Variants in CSMD1 observed in about 807,000 individuals in gnomAD.
The protein encoded by CSMD1 is CUB and sushi domain-containing protein 1.
In CSMD1, 213 loss-of-function variants were observed where a neutral mutation model predicts 417.5. The ratio of observed to expected loss-of-function variants is 0.51; its 90% CI spans 0.46 to 0.57. The LOEUF is 0.57. Among genes scored for constraint, CSMD1 ranks in the 20% least tolerant of loss-of-function variants. The pLI is 0.00. For missense variants in CSMD1, 6,923 were observed against 4,529.7 expected (o/e 1.53, Z -15.17); for synonymous variants, 2,862 against 1,736.8 (o/e 1.65, Z -16.11).
intron 3 of CSMD1, among the ~76,000 whole-genome samples, chr8:4,365,292 T>C (rs1801999066): frequency 6.6e-6 from 1 of 152,196 alleles, no homozygotes; most frequent in African/African-American, 2.4e-5. Flanking sequence ...TGTAAATAAA[T>C]TTAGGATTAC....
chr8:4,807,494 T>C (rs1798657159), intron 1 of CSMD1, among the ~76,000 whole-genome samples: 1 of 152,080 alleles, frequency 6.6e-6, no homozygotes, highest in Non-Finnish European at 1.5e-5. Flanking sequence ...GCCCAGCCCA[T>C]CCTGAATCAC....
intron 13 of CSMD1, 114 bp downstream of exon 13, chr8:3,409,309 G>A (rs894256986): frequency 6.0e-5 from 57 of 946,492 alleles, no homozygotes; most frequent in African/African-American, 1.2e-4. Flanking sequence ...GTGGCACCCC[G>A]AGCCATTCTG....
intron 10 of CSMD1, among the ~76,000 whole-genome samples, chr8:3,512,666 T>C (rs559530332): frequency 6.6e-6 from 1 of 150,746 alleles, no homozygotes; most frequent in East Asian, 2.0e-4. Context: ...ACTGGCATGA[T>C]GACATGATCT....
At chr8:3,675,769 G>A (rs535160916) in intron 7 of CSMD1, among the ~76,000 whole-genome samples, 1 of 152,302 alleles carries the variant, frequency 6.6e-6, no homozygotes, top group East Asian at 1.9e-4. Flanking sequence ...AGAAATATAT[G>A]TCTGTTGTTT....
chr8:4,433,672 C>G (rs1797994686), intron 2 of CSMD1, among the ~76,000 whole-genome samples: 1 of 152,168 alleles, frequency 6.6e-6, no homozygotes, highest in Non-Finnish European at 1.5e-5. Flanking sequence ...TACACTCTCC[C>G]ACTTGCAGTC....
At chr8:2,971,783 C>A (rs1182530038) in intron 57 of CSMD1, among the ~76,000 whole-genome samples, 1 of 152,118 alleles carries the variant, frequency 6.6e-6, no homozygotes, top group Non-Finnish European at 1.5e-5. Flanking sequence ...CAGTTAAAAA[C>A]AAAAGTATGA....
In CSMD1 at chr8:3,336,706, C is replaced by T. The variant is rs140923644; in HGVS notation, c.3631+6588G>A. ...ACCCAGAGACTGTTCCCGATGTGGG[C>T]GAGAGCCCTGCACACCTAACTTCCT... On this transcript the variant is annotated intron_variant, in intron 23 of 69. Coordinates refer to ENST00000635120, the MANE Select transcript of CSMD1 (RefSeq NM_033225.6). Among the ~76,000 whole-genome samples the T allele has an allele frequency of 5.2e-3, 798 of 152,284 alleles. 1 individual carries two copies. Among genetic ancestry groups the T allele is most frequent in the Non-Finnish European group, 8.9e-3 (602 of 68,016 alleles).
intron 5 of CSMD1, among the ~76,000 whole-genome samples, chr8:3,814,764 G>A (rs891075331): frequency 6.6e-6 from 1 of 152,062 alleles, no homozygotes; most frequent in East Asian, 1.9e-4. Flanking sequence ...ATTTCCAATG[G>A]ACTATTCTGC....
intron 50 of CSMD1, among the ~76,000 whole-genome samples, chr8:3,046,278 C>T (rs1323162113): frequency 6.6e-6 from 1 of 152,028 alleles, no homozygotes; most frequent in Non-Finnish European, 1.5e-5. Flanking sequence ...CACGTGGACG[C>T]ATGTGTTTCA....
chr8:3,929,108 G>C (rs569681736), intron 5 of CSMD1, among the ~76,000 whole-genome samples: 16 of 150,454 alleles, frequency 1.1e-4, no homozygotes, highest in East Asian at 3.9e-4. Context: ...AGTGAGGAGA[G>C]ATGAAACTCT....
At chr8:4,266,894 G>A (rs1449567409) in intron 3 of CSMD1, among the ~76,000 whole-genome samples, 1 of 104,220 alleles carries the variant, frequency 9.6e-6, no homozygotes, top group East Asian at 2.6e-4. Flanking sequence ...TAAGATGGAA[G>A]AAGAAACAAA....
At position 3,571,445 on chromosome 8, in the gene CSMD1, G is replaced by C. The variant is rs544752809; in HGVS notation, c.1344+3500C>G. On this transcript the variant is annotated intron_variant, in intron 10 of 69. Coordinates refer to ENST00000635120, the MANE Select transcript of CSMD1 (RefSeq NM_033225.6). ...CTGGAAAGATTTTGAGAATGCAGTA[G>C]AGGCATTGTTAGTAACTGTTCAAGG... Among the ~76,000 whole-genome samples, 8 of 152,302 alleles carry C rather than the reference G, an allele frequency of 5.3e-5. No homozygotes were observed. The South Asian group carries it at 8.3e-4, about 16-fold the overall frequency.
chr8:3,039,910 T>C (rs1810977217), intron 50 of CSMD1, among the ~76,000 whole-genome samples: 1 of 152,180 alleles, frequency 6.6e-6, no homozygotes, highest in Admixed American at 6.5e-5. Flanking sequence ...GTTCCTCTTC[T>C]AAAAATTAAT....
Position 3,900,339 on chromosome 8 carries a change from GTGACAGTGTAGCTGGT to G in CSMD1, c.818+97548_818+97563del, listed in dbSNP as rs554495725. 1.0e-3 allele frequency among the ~76,000 whole-genome samples: 154 copies of G among 151,918 alleles called. 2 individuals are homozygous for G. The highest frequency in any genetic ancestry group is 1.1e-3 in the African/African-American group (46 of 41,430). On this transcript the variant is annotated intron_variant, in intron 5 of 69. Transcript: ENST00000635120. The stretch of plus-strand genomic sequence containing the variant: ...TGCAGCTGGATGACACTACAGCTGG[GTGACAGTGTAGCTGGT>G]TGACAGCACAGCTGTGTGACAGTGC...
At position 4,152,584 on chromosome 8, in the gene CSMD1, G is replaced by A. The variant is rs920688330; in HGVS notation, c.416-120485C>T. Among the ~76,000 whole-genome samples the A allele has an allele frequency of 3.3e-5, 5 of 152,074 alleles. No individual in the cohort carries two copies. The East Asian group carries it at 7.8e-4, about 24-fold the overall frequency. ...GCACACTTGTGTTCCCAACTCCTTG[G>A]GAGGCTTAAGTGGGAAGATCGTTTG... On this transcript the variant is annotated intron_variant, in intron 3 of 69. Coordinates refer to ENST00000635120, the MANE Select transcript of CSMD1 (RefSeq NM_033225.6).
intron 3 of CSMD1, among the ~76,000 whole-genome samples, chr8:4,094,321 A>C (rs1800885539): frequency 6.6e-6 from 1 of 152,104 alleles, no homozygotes; most frequent in Admixed American, 6.6e-5. Flanking sequence ...CGACTGTAGG[A>C]ACCCAGGCCA....
intron 3 of CSMD1, among the ~76,000 whole-genome samples, chr8:4,145,123 C>G (rs1231095924): frequency 1.3e-5 from 2 of 150,992 alleles, no homozygotes; most frequent in Non-Finnish European, 2.9e-5. Context: ...TTACATGGCG[C>G]AGATATAATA....
intron 25 of CSMD1, among the ~76,000 whole-genome samples, chr8:3,303,641 G>T (rs753258832): frequency 1.3e-5 from 2 of 152,164 alleles, no homozygotes; most frequent in African/African-American, 2.4e-5. Context: ...TTAAAGCTTA[G>T]GAACAGTGTA....
At chr8:4,743,119 A>G (rs1810730920) in intron 1 of CSMD1, among the ~76,000 whole-genome samples, 4 of 152,224 alleles carry the variant, frequency 2.6e-5, no homozygotes, top group Admixed American at 2.6e-4. Context: ...GAAAATAAAT[A>G]TACCAAGAAA....
Sources: allele counts gnomAD v4.1 joint callset (sites outside exome capture counted in the v4.1 genomes callset), GRCh38; gene constraint gnomAD v4.1.1; transcripts MANE v1.5; gene names NCBI Gene and HGNC (gene_info 2026-07-23, HGNC 2026-07-21).